The following UBE2D3 variants were observed in gnomAD, a reference collection of about 807,000 sequenced individuals.
The protein encoded by UBE2D3 is ubiquitin-conjugating enzyme E2 D3.
In UBE2D3, 2 loss-of-function variants were observed where a neutral mutation model predicts 22.8. The ratio of observed to expected loss-of-function variants is 0.09; its 90% confidence interval spans 0.04 to 0.28. UBE2D3 has a LOEUF of 0.28. Ranked by LOEUF, UBE2D3 falls within the 10% of genes least tolerant of loss-of-function variation. UBE2D3 has a pLI of 1.00. For synonymous variants in UBE2D3, 56 were observed against 60.4 expected (o/e 0.93, Z 0.34); for missense variants, 27 against 182.5 (o/e 0.15, Z 4.91).
At chr4:102,827,580 C>T (rs984452265), upstream of UBE2D3, 22 of 987,054 alleles carry the variant, frequency 2.2e-5, no homozygotes, top group Non-Finnish European at 2.3e-5. Flanking sequence ...CCGCCCCTCC[C>T]CCTCCTCCTG....
In UBE2D3 at chr4:102,844,749, G is replaced by A. The variant is rs546966948; in HGVS notation, c.-128-18113C>T. ...GAATTCTAGCCAGCCTGGGCCGGGCGGTGGGTCACGCCTGTAATCTCAGCA... is the reference window on the plus strand; with the variant it reads ...GAATTCTAGCCAGCCTGGGCCGGGCAGTGGGTCACGCCTGTAATCTCAGCA... On this transcript the variant is annotated intron_variant, in intron 1 of 7. Transcript: ENST00000338145. Among the ~76,000 whole-genome samples the A allele has an allele frequency of 1.4e-4, 21 of 151,920 alleles. No homozygotes were observed. In the South Asian group the frequency reaches 4.4e-3, roughly 32 times the overall value.
At chr4:102,810,039 G>A in intron 2 of UBE2D3, 184 bp from the exon 3 acceptor site, 1 of 576,522 alleles carries the variant, frequency 1.7e-6, no homozygotes, top group East Asian at 3.0e-5. Context: ...AATCATCTTA[G>A]CTAGAGTTCG....
intron 2 of UBE2D3, among the ~76,000 whole-genome samples, chr4:102,815,010 A>G (rs1560860218): frequency 1.3e-5 from 2 of 152,074 alleles, no homozygotes; most frequent in African/African-American, 2.4e-5. Context: ...TACATTTAAT[A>G]TATGTTAAAA....
At chr4:102,832,578 T>A (rs223381) in intron 1 of UBE2D3, among the ~76,000 whole-genome samples, 1 of 151,710 alleles carries the variant, frequency 6.6e-6, no homozygotes, top group African/African-American at 2.4e-5. Context: ...TGAAGAAATG[T>A]GAGAAAGATC....
chr4:102,803,078 A>AAC (rs1560845627), intron 4 of UBE2D3, among the ~76,000 whole-genome samples: 2 of 152,186 alleles, frequency 1.3e-5, no homozygotes, highest in South Asian at 4.1e-4. Context: ...TATTCCAGGT[A>AAC]ACACACACAC....
chr4:102,847,896 G>A (rs978565138), intron 1 of UBE2D3, among the ~76,000 whole-genome samples: 11 of 152,082 alleles, frequency 7.2e-5, no homozygotes, highest in South Asian at 2.1e-4. Flanking sequence ...TCCTCCCACC[G>A]TAGCCTCCCA....
intron 2 of UBE2D3, among the ~76,000 whole-genome samples, chr4:102,814,990 T>C (rs1560860164): frequency 6.6e-6 from 1 of 152,162 alleles, no homozygotes; most frequent in Non-Finnish European, 1.5e-5. Flanking sequence ...TCAATAAACA[T>C]ACTAGATTTT....
chr4:102,862,176 T>C (rs1732929698), intron 1 of UBE2D3, among the ~76,000 whole-genome samples: 1 of 152,022 alleles, frequency 6.6e-6, no homozygotes, highest in African/African-American at 2.4e-5. Context: ...TCTAGTTTGC[T>C]GGACTTCCTC....
intron 2 of UBE2D3, among the ~76,000 whole-genome samples, chr4:102,822,728 G>A (rs962867756): frequency 3.3e-5 from 5 of 152,000 alleles, no homozygotes; most frequent in Non-Finnish European, 5.9e-5. Context: ...GAGGTCAGGA[G>A]ATCAAGACCA....
chr4:102,830,997 G>A (rs957066502), upstream of UBE2D3, among the ~76,000 whole-genome samples: 3 of 152,182 alleles, frequency 2.0e-5, no homozygotes, highest in Non-Finnish European at 4.4e-5. Flanking sequence ...TAATTAGAAT[G>A]TATTGATGAA....
rs902911912 is a variant in UBE2D3, at chr4:102,820,747, C to CA, written c.24+5737dup. On this transcript the variant is annotated intron_variant, in intron 2 of 7. Coordinates refer to ENST00000453744, the MANE Select transcript of UBE2D3 (RefSeq NM_181891.3). Reference sequence around the variant, plus strand: ...AAAACAAACAAAACAAACAAACAAACAAAAAAAACAAAGATTAACAGCCAA... The same window carrying CA: ...AAAACAAACAAAACAAACAAACAAACAAAAAAAAACAAAGATTAACAGCCAA... 1.1e-3 allele frequency among the ~76,000 whole-genome samples: 169 copies of CA among 151,320 alleles called. 1 individual carries two copies. Among genetic ancestry groups the CA allele is most frequent in the African/African-American group, 3.6e-3 (148 of 41,270 alleles).
At chr4:102,806,315 C>G (rs1051749589) in intron 4 of UBE2D3, among the ~76,000 whole-genome samples, 1 of 152,004 alleles carries the variant, frequency 6.6e-6, no homozygotes, top group Non-Finnish European at 1.5e-5. Flanking sequence ...CTTCCTTTGT[C>G]TTATCTGCTC....
At position 102,802,294 on chromosome 4, in the gene UBE2D3, T is replaced by A. The variant is rs1180141986; in HGVS notation, c.198+267A>T. ...GACAACAAAAGCCCAAAAATCAGAA[T>A]CTGTGTAACAATAATACAGATGAGG... is the stretch of plus-strand genomic sequence containing the variant. On this transcript the variant is annotated intron_variant, in intron 5 of 7. Transcript: ENST00000453744. 3 of 272,118 alleles carry A rather than the reference T, an allele frequency of 1.1e-5. No individual in the cohort carries two copies. In the Admixed American group the frequency reaches 1.6e-4, roughly 14 times the overall value. 16.9% of individuals were successfully genotyped at this position (272,118 alleles called of 1,614,324 possible).
chr4:102,835,526 T>A (rs997078638), intron 1 of UBE2D3, among the ~76,000 whole-genome samples: 10 of 152,176 alleles, frequency 6.6e-5, no homozygotes, highest in African/African-American at 1.9e-4. Flanking sequence ...AGACATGTAA[T>A]AAAAACATGA....
intron 1 of UBE2D3, among the ~76,000 whole-genome samples, chr4:102,847,114 C>T (rs751569741): frequency 1.3e-5 from 2 of 152,090 alleles, no homozygotes; most frequent in African/African-American, 4.8e-5. Context: ...ATGTCCCTAT[C>T]GTATGTCTTA....
chr4:102,852,103 A>G (rs889045471), intron 1 of UBE2D3, among the ~76,000 whole-genome samples: 8 of 152,102 alleles, frequency 5.3e-5, no homozygotes, highest in Non-Finnish European at 8.8e-5. Flanking sequence ...CTTCTATGAT[A>G]CGCCCTTAGA....
chr4:102,800,918 T>C (rs958367935), intron 6 of UBE2D3, among the ~76,000 whole-genome samples: 2 of 152,016 alleles, frequency 1.3e-5, no homozygotes, highest in Non-Finnish European at 2.9e-5. Context: ...AGATACCTAT[T>C]AAGAGACCAG....
chr4:102,868,750 C>T, exon 1 of UBE2D3: 15 of 1,614,130 alleles, frequency 9.3e-6, no homozygotes, highest in African/African-American at 1.3e-5. Flanking sequence ...AGCATTCTCA[C>T]ATGCTTATCT....
Position 102,799,844 on chromosome 4 carries a change from G to A in UBE2D3, c.305-344C>T, listed in dbSNP as rs1279633942. Among the ~76,000 whole-genome samples the A allele has an allele frequency of 4.7e-4, 58 of 123,414 alleles. 2 individuals are homozygous for A. Among genetic ancestry groups the A allele is most frequent in the Admixed American group, 3.2e-3 (38 of 11,996 alleles). The allele number at this position is 123,414 out of a possible 152,430, so 81.0% of individuals were successfully genotyped here. A position where few individuals can be genotyped will look rare whatever the true frequency, so the allele number is the denominator to read the frequency against. Reference sequence around the variant, plus strand: ...GGTACTCAGTGGCTGGGGGGGGGGGGACTTTAGCAAGAATATGCAGGTAAC... The same window carrying A: ...GGTACTCAGTGGCTGGGGGGGGGGGAACTTTAGCAAGAATATGCAGGTAAC... On this transcript the variant is annotated intron_variant, in intron 6 of 7. Transcript: ENST00000453744.
Sources: gnomAD v4.1 joint callset for allele counts (sites outside exome capture counted in the v4.1 genomes callset) on GRCh38, gnomAD v4.1.1 for gene constraint, MANE v1.5 for transcripts, NCBI Gene and HGNC (gene_info 2026-07-23, HGNC 2026-07-21) for gene names.